The following NRG3 variants were observed in gnomAD, a reference collection of about 807,000 sequenced individuals.
NRG3 encodes the protein neuregulin 3.
A neutral mutation model predicts 66.9 loss-of-function variants in NRG3; 31 were observed. The observed-to-expected ratio is 0.46, with a 90% CI of 0.35 to 0.63. The LOEUF is 0.63. NRG3 is among the 20% of genes least tolerant of loss of function. NRG3 has a pLI of 0.00. For synonymous variants in NRG3, 393 were observed against 359.4 expected (o/e 1.09, Z -1.06); for missense variants, 910 against 878.9 (o/e 1.04, Z -0.45).
At chr10:82,664,933 T>G (rs1038625999) in intron 2 of NRG3, among the ~76,000 whole-genome samples, 11 of 152,212 alleles carry the variant, frequency 7.2e-5, no homozygotes, top group Non-Finnish European at 1.6e-4. Flanking sequence ...CACTGAATGC[T>G]GACTAACAAA....
intron 2 of NRG3, among the ~76,000 whole-genome samples, chr10:82,382,447 T>C (rs1589925581): frequency 6.6e-6 from 1 of 152,116 alleles, no homozygotes; most frequent in East Asian, 1.9e-4. Flanking sequence ...TGTTTTATAA[T>C]GATAAAGGAA....
In NRG3 at chr10:82,060,712, C is replaced by A. The variant is rs1214321212; in HGVS notation, c.823+184549C>A. Among the ~76,000 whole-genome samples, 3 of 152,104 alleles carry A rather than the reference C, an allele frequency of 2.0e-5. No individual in the cohort carries two copies. In the East Asian group the frequency reaches 5.8e-4, roughly 29 times the overall value. On this transcript the variant is annotated intron_variant, in intron 1 of 8. Transcript: ENST00000372141. ...GTCTGTATGGATAATTCACCTTGTT[C>A]TTTGTTAGTGGAATTATTGGTGCCT...
At chr10:81,932,414 T>C (rs1847460458) in intron 1 of NRG3, among the ~76,000 whole-genome samples, 1 of 152,188 alleles carries the variant, frequency 6.6e-6, no homozygotes, top group Non-Finnish European at 1.5e-5. Flanking sequence ...ACATGAGGTT[T>C]AGCTGGGGAC....
Position 82,405,454 on chromosome 10 carries a change from G to GTTTTTTTTTTTTTTTTTTTTTTTT in NRG3, c.953+46589_953+46590insTTTTTTTTTTTTTTTTTTTTTTTT, listed in dbSNP as rs779040062. Among the ~76,000 whole-genome samples the GTTTTTTTTTTTTTTTTTTTTTTTT allele has an allele frequency of 2.9e-5, 4 of 139,920 alleles. 1 individual carries two copies. Among genetic ancestry groups the GTTTTTTTTTTTTTTTTTTTTTTTT allele is most frequent in the Non-Finnish European group, 1.5e-5 (1 of 66,730 alleles). 91.8% of individuals were successfully genotyped at this position (139,920 alleles called of 152,430 possible). A position where few individuals can be genotyped will look rare whatever the true frequency, so the allele number is the denominator to read the frequency against. The stretch of plus-strand genomic sequence containing the variant: ...TTCTATCTTTGGAATGATCTCAGTA[G>GTTTTTTTTTTTTTTTTTTTTTTTT]TTTGTTTTTTTTTTTTTTGAAATGG... On this transcript the variant is annotated intron_variant, in intron 2 of 8. Transcript: ENST00000372141.
At chr10:82,212,799 A>G (rs1335266422) in intron 1 of NRG3, among the ~76,000 whole-genome samples, 1 of 152,240 alleles carries the variant, frequency 6.6e-6, no homozygotes, top group African/African-American at 2.4e-5. Context: ...TATAAATTAT[A>G]TATGCATGGC....
chr10:82,824,963 C>T (rs147886746), intron 3 of NRG3, among the ~76,000 whole-genome samples: 312 of 152,280 alleles, frequency 2.0e-3, no homozygotes, highest in African/African-American at 7.1e-3. Flanking sequence ...CCTCCTTCCT[C>T]AGCCTCCCAA....
chr10:82,175,207 A>T (rs1229788522), intron 1 of NRG3, among the ~76,000 whole-genome samples: 4 of 152,080 alleles, frequency 2.6e-5, no homozygotes, highest in Admixed American at 2.0e-4. Context: ...GCAAGAGGGG[A>T]TGATTGGCTT....
intron 2 of NRG3, among the ~76,000 whole-genome samples, chr10:82,431,399 G>A (rs552101511): frequency 2.6e-5 from 4 of 152,322 alleles, no homozygotes; most frequent in African/African-American, 4.8e-5. Context: ...TGAGAGGAAT[G>A]AGAATGCAGT....
At chr10:81,925,116 A>T in intron 1 of NRG3, among the ~76,000 whole-genome samples, 1 of 152,168 alleles carries the variant, frequency 6.6e-6, no homozygotes, top group East Asian at 1.9e-4. Context: ...GATAAATTAC[A>T]GGCCATTAAT....
chr10:82,932,970 C>G (rs1353376996), intron 4 of NRG3, among the ~76,000 whole-genome samples: 2 of 152,160 alleles, frequency 1.3e-5, no homozygotes, highest in Non-Finnish European at 2.9e-5. Flanking sequence ...CGCCTTTCTT[C>G]TCTTCTCTTC....
chr10:82,733,783 T>G (rs547576526), intron 2 of NRG3, among the ~76,000 whole-genome samples: 1 of 152,320 alleles, frequency 6.6e-6, no homozygotes, highest in South Asian at 2.1e-4. Context: ...TCTGGAAATG[T>G]AAGGAGGCTG....
At chr10:81,943,351 A>T (rs1157920742) in intron 1 of NRG3, among the ~76,000 whole-genome samples, 1 of 152,154 alleles carries the variant, frequency 6.6e-6, no homozygotes, top group Admixed American at 6.6e-5. Context: ...ATTGCACTCC[A>T]TCCTGGGCTA....
At chr10:82,275,512 G>A (rs561856755) in intron 1 of NRG3, among the ~76,000 whole-genome samples, 31 of 152,086 alleles carry the variant, frequency 2.0e-4, no homozygotes, top group South Asian at 4.2e-4. Flanking sequence ...GCCAGTGAAG[G>A]ATCCTCAGGG....
chr10:82,960,283 A>C (rs919084440), intron 6 of NRG3, among the ~76,000 whole-genome samples: 4 of 152,142 alleles, frequency 2.6e-5, no homozygotes, highest in Non-Finnish European at 4.4e-5. Context: ...TTGATTTCTA[A>C]TGGGTATAAT....
intron 2 of NRG3, among the ~76,000 whole-genome samples, chr10:82,463,723 C>A (rs886560458): frequency 1.6e-4 from 25 of 152,198 alleles, no homozygotes; most frequent in Non-Finnish European, 1.2e-4. Context: ...TGGCAGAGAA[C>A]CAACCCCTCA....
chr10:82,937,807 G>A (rs547439165), intron 4 of NRG3, among the ~76,000 whole-genome samples: 1 of 152,250 alleles, frequency 6.6e-6, no homozygotes, highest in South Asian at 2.1e-4. Context: ...ATATTGTTAG[G>A]TTAAAATTCA....
intron 1 of NRG3, among the ~76,000 whole-genome samples, chr10:82,164,443 A>G (rs1047675416): frequency 6.6e-6 from 1 of 152,162 alleles, no homozygotes; most frequent in Non-Finnish European, 1.5e-5. Flanking sequence ...GCTATGTAAC[A>G]TTAGAACTCC....
intron 1 of NRG3, among the ~76,000 whole-genome samples, chr10:82,149,876 A>G (rs910541560): frequency 6.6e-6 from 1 of 152,088 alleles, no homozygotes; most frequent in Non-Finnish European, 1.5e-5. Context: ...CCTTGTATTC[A>G]GTTTTCTTGG....
intron 1 of NRG3, among the ~76,000 whole-genome samples, chr10:82,313,895 G>A (rs188367352): frequency 1.8e-3 from 268 of 152,304 alleles, no homozygotes; most frequent in Middle Eastern, 0.01. Context: ...CTATGTGCTT[G>A]AGCATCATCT....
Sources: allele counts gnomAD v4.1 joint callset (sites outside exome capture counted in the v4.1 genomes callset), GRCh38; gene constraint gnomAD v4.1.1; transcripts MANE v1.5; gene names NCBI Gene and HGNC (gene_info 2026-07-23, HGNC 2026-07-21).